Variants in SLC9A3 observed in about 807,000 individuals in gnomAD.
The protein encoded by SLC9A3 is solute carrier family 9 member A3, also known as sodium/hydrogen exchanger 3.
SLC9A3 carries 37 observed loss-of-function variants against 86.8 expected under a neutral mutation model. The observed-to-expected ratio is 0.43, with a 90% CI of 0.33 to 0.56. The LOEUF (loss-of-function observed/expected upper bound fraction) is 0.56, where lower values mean the gene tolerates loss of function less well. SLC9A3 is among the 20% of genes least tolerant of loss of function. SLC9A3 has a pLI of 0.06. For synonymous variants in SLC9A3, 581 were observed against 528.3 expected (o/e 1.10, Z -1.37); for missense variants, 1,011 against 1,171.9 (o/e 0.86, Z 2.00).
chr5:476,159 C>G (rs531337309), intron 13 of SLC9A3, 43 bp downstream of exon 13: 1 of 1,612,450 alleles, frequency 6.2e-7, no homozygotes, highest in Non-Finnish European at 8.5e-7. Flanking sequence ...TGCCCCCGCT[C>G]CAGGCCCCAG....
At chr5:514,567 C>T (rs929880322) in intron 1 of SLC9A3, among the ~76,000 whole-genome samples, 1 of 152,212 alleles carries the variant, frequency 6.6e-6, no homozygotes, top group Non-Finnish European at 1.5e-5. Context: ...TGGTACGGCC[C>T]GCTGAGGGCC....
rs1194878770 is a variant in SLC9A3, at chr5:482,417, C to T, written c.1356+131G>A. On this transcript the variant is annotated intron_variant, in intron 7 of 16. Coordinates refer to ENST00000264938, the MANE Select transcript of SLC9A3 (RefSeq NM_004174.4). ...TGGGGCCACGTGAAAACCTACAAAA[C>T]GGCTCCTAGTTACTAAAATTATGAA... is the stretch of plus-strand genomic sequence containing the variant. 1.7e-5 allele frequency: 13 copies of T among 779,700 alleles called. 1 individual carries two copies. Among genetic ancestry groups the T allele is most frequent in the Middle Eastern group, 7.7e-4 (2 of 2,610 alleles). 48.3% of individuals were successfully genotyped at this position (779,700 alleles called of 1,614,324 possible).
At chr5:499,505 C>T (rs947403369) in intron 1 of SLC9A3, among the ~76,000 whole-genome samples, 1 of 152,250 alleles carries the variant, frequency 6.6e-6, no homozygotes, top group Non-Finnish European at 1.5e-5. Context: ...AAGGCGCTTA[C>T]TTACTGCCAC....
intron 1 of SLC9A3, among the ~76,000 whole-genome samples, chr5:499,482 A>T (rs1740167479): frequency 6.6e-6 from 1 of 152,130 alleles, no homozygotes; most frequent in Admixed American, 6.5e-5. Context: ...TGTTCCACAG[A>T]CTCATTCCAG....
chr5:523,160 C>A lies in SLC9A3; in HGVS notation c.211+952G>T, dbSNP rs578196176. ...TGGCATAAATAGGGCAGGCGGCAGG[C>A]GTCACTGAAGGAAAAGGCGCCTTCT... On this transcript the variant is annotated intron_variant, in intron 1 of 16. Transcript: ENST00000264938. Among the ~76,000 whole-genome samples, 17 of 152,276 alleles carry A rather than the reference C, an allele frequency of 1.1e-4. No homozygotes were observed. The East Asian group carries it at 3.3e-3, about 29-fold the overall frequency.
intron 12 of SLC9A3, 45 bp from the exon 13 acceptor site, chr5:476,423 C>T: frequency 6.2e-7 from 1 of 1,608,864 alleles, no homozygotes; most frequent in Non-Finnish European, 8.5e-7. Context: ...CACCGCCGGA[C>T]ATTCTCGCCC....
chr5:478,852 C>A (rs868674156), intron 10 of SLC9A3: 1 of 154,676 alleles, frequency 6.5e-6, no homozygotes, highest in South Asian at 2.0e-4. Context: ...AGCCCTCCTT[C>A]CTGATCTGCA....
rs2126646968 is a variant in SLC9A3 at position 507,440 on chromosome 5, AT to A, written c.212-15370del. 2.0e-5 allele frequency among the ~76,000 whole-genome samples: 3 copies of A among 150,934 alleles called. No individual in the cohort carries two copies. In the East Asian group the frequency reaches 5.9e-4, roughly 29 times the overall value. ...ACCACCAGGCCTGGCTAATTTTACT[AT>A]TTTTTGTAGAGATTTTTTTCACCAT... On this transcript the variant is annotated intron_variant, in intron 1 of 16. Coordinates refer to ENST00000264938, the MANE Select transcript of SLC9A3 (RefSeq NM_004174.4).
At chr5:490,643 G>A (rs1329240207) in intron 2 of SLC9A3, among the ~76,000 whole-genome samples, 1 of 152,228 alleles carries the variant, frequency 6.6e-6, no homozygotes, top group Non-Finnish European at 1.5e-5. Context: ...TGGGCGAGGG[G>A]CCATCTGGCA....
rs1313513021 is a variant in SLC9A3, at chr5:495,384, G to A, written c.212-3313C>T. Among the ~76,000 whole-genome samples, 9 of 148,126 alleles carry A rather than the reference G, an allele frequency of 6.1e-5. No individual in the cohort carries two copies. In the South Asian group the frequency reaches 1.9e-3, roughly 32 times the overall value. ...GCCCTGGGGACTCACAGTGCTCCCC[G>A]CGCCATCGCCGACCCTCCCCACGCT... On this transcript the variant is annotated intron_variant, in intron 1 of 16. Transcript: ENST00000264938.
chr5:475,815 A>C, intron 14 of SLC9A3, 144 bp from the exon 15 acceptor site: 1 of 690,772 alleles, frequency 1.4e-6, no homozygotes, highest in Non-Finnish European at 2.5e-6. Context: ...GGGCTGGAGG[A>C]GGGACCCCAC....
chr5:477,233 G>T, intron 11 of SLC9A3, 99 bp downstream of exon 11: 1 of 788,916 alleles, frequency 1.3e-6, no homozygotes, highest in Admixed American at 2.6e-5. Flanking sequence ...CCTCTTCCAT[G>T]CCACCCCCAG....
At chr5:480,633 G>C (rs1057408002) in intron 9 of SLC9A3, 1 of 152,340 alleles carries the variant, frequency 6.6e-6, no homozygotes, top group Admixed American at 6.5e-5. Flanking sequence ...TGTGCCTTCC[G>C]AGACCCCCGG....
At chr5:521,509 T>G (rs1210109255) in intron 1 of SLC9A3, among the ~76,000 whole-genome samples, 1 of 152,192 alleles carries the variant, frequency 6.6e-6, no homozygotes, top group African/African-American at 2.4e-5. Context: ...GTGTGAGAAA[T>G]TCAACAAATG....
intron 1 of SLC9A3, among the ~76,000 whole-genome samples, chr5:502,557 C>CCA (rs1355026841): frequency 6.6e-6 from 1 of 152,174 alleles, no homozygotes; most frequent in African/African-American, 2.4e-5. Flanking sequence ...GGAATGTGGC[C>CCA]CAGCTCAAAT....
rs1025748642 is a variant in SLC9A3, at chr5:491,365, TGGCCGA to T, written c.514+398_514+403del. On this transcript the variant is annotated intron_variant, in intron 2 of 16. Coordinates refer to ENST00000264938, the MANE Select transcript of SLC9A3 (RefSeq NM_004174.4). This position sits in a 1 kb window ranked among gnomAD's most constrained non-coding sequence, Gnocchi z 9.2. Reference sequence around the variant, plus strand: ...CTGGCTCCGGCTGTGGCTGCAGCGGTGGCCGAGCGGCTCCGGCACACAGGCTGGGAG... The same window carrying T: ...CTGGCTCCGGCTGTGGCTGCAGCGGTGCGGCTCCGGCACACAGGCTGGGAG... 2.6e-5 allele frequency among the ~76,000 whole-genome samples: 4 copies of T among 152,024 alleles called. No individual in the cohort carries two copies. The highest frequency in any genetic ancestry group is 9.7e-5 in the African/African-American group (4 of 41,372).
intron 7 of SLC9A3, among the ~76,000 whole-genome samples, 170 bp from the exon 8 acceptor site, chr5:482,327 G>A (rs903753649): frequency 2.6e-5 from 4 of 152,088 alleles, no homozygotes; most frequent in African/African-American, 4.8e-5. Context: ...AGCAGCACCC[G>A]GGGCCTCATC....
intron 1 of SLC9A3, among the ~76,000 whole-genome samples, chr5:502,306 C>T (rs1399431862): frequency 6.6e-6 from 1 of 152,176 alleles, no homozygotes; most frequent in Non-Finnish European, 1.5e-5. Flanking sequence ...ACGGCCCAGG[C>T]CCCCTTATTA....
intron 15 of SLC9A3, 43 bp from the exon 16 acceptor site, chr5:475,175 A>C: frequency 6.5e-7 from 1 of 1,529,084 alleles, no homozygotes. Context: ...GGAGAGCCCC[A>C]CGGCGGCAGG....
Sources: gnomAD v4.1 joint callset for allele counts (sites outside exome capture counted in the v4.1 genomes callset) on GRCh38, gnomAD v4.1.1 for gene constraint, Gnocchi (gnomAD v3.1) non-coding constraint, MANE v1.5 for transcripts, NCBI Gene and HGNC (gene_info 2026-07-23, HGNC 2026-07-21) for gene names.